Variants in TMEM63B observed in about 807,000 individuals in gnomAD.
TMEM63B encodes the protein mechanosensitive cation channel TMEM63B.
TMEM63B carries 23 observed loss-of-function variants against 102.6 expected under a neutral mutation model. The ratio of observed to expected loss-of-function variants is 0.22; its 90% CI spans 0.16 to 0.32. The LOEUF (loss-of-function observed/expected upper bound fraction) is 0.32, where lower values mean the gene tolerates loss of function less well. Ranked by LOEUF, TMEM63B falls within the 10% of genes least tolerant of loss-of-function variation. The pLI, the probability that TMEM63B is intolerant of heterozygous loss-of-function variation, is 1.00. For synonymous variants in TMEM63B, 444 were observed against 437.0 expected, an observed-to-expected ratio of 1.02 and a Z score of -0.20; for missense variants, 628 against 1,095.9, an observed-to-expected ratio of 0.57 and a Z score of 6.03.
intron 9 of TMEM63B, 106 bp downstream of exon 9, chr6:44,140,466 T>C: frequency 1.1e-6 from 1 of 878,644 alleles, no homozygotes. Flanking sequence ...TAGGTTTGAA[T>C]GCTGGCACAG....
chr6:44,132,366 G>A (rs1016754693), intron 1 of TMEM63B: 6 of 978,478 alleles, frequency 6.1e-6, no homozygotes, highest in Non-Finnish European at 7.3e-6. Context: ...CTTCCAAAAT[G>A]CTCTACCTTT....
chr6:44,148,989 A>G lies in TMEM63B; in HGVS notation c.1413+44A>G, dbSNP rs748798972. 1.2e-6 allele frequency: 2 copies of G among 1,613,446 alleles called. No individual in the cohort carries two copies. Among genetic ancestry groups the G allele is most frequent in the East Asian group, 2.2e-5 (1 of 44,864 alleles). On this transcript the variant is annotated intron_variant, in intron 15 of 23. Transcript: ENST00000323267. This position sits in a 1 kb window ranked among gnomAD's most constrained non-coding sequence, Gnocchi z 5.1. ...GTCACTTTCCACGCTGGGTCACAAC[A>G]CACAGATACCAGGCCCTGATCCCTC...
chr6:44,155,025 T>C lies in TMEM63B; in HGVS notation c.*142T>C. On this transcript the variant is annotated 3_prime_UTR_variant, in exon 24 of 24. Transcript: ENST00000323267. ...CATTAAGGTATTTAAACTTGGGGGTTTCACTGCTCTCCCCCATGATGGAGG... is the reference window on the plus strand; with the variant it reads ...CATTAAGGTATTTAAACTTGGGGGTCTCACTGCTCTCCCCCATGATGGAGG... 1 of 798,766 alleles carries C rather than the reference T, an allele frequency of 1.3e-6. No homozygotes were observed. The highest frequency in any genetic ancestry group is 1.8e-6 in the Non-Finnish European group (1 of 559,728). The allele number at this position is 798,766 out of a possible 1,614,324, so 49.5% of individuals were successfully genotyped here. A position where few individuals can be genotyped will look rare whatever the true frequency, so the allele number is the denominator to read the frequency against.
At chr6:44,153,092 C>T (rs1034709338) in intron 20 of TMEM63B, among the ~76,000 whole-genome samples, 13 of 152,230 alleles carry the variant, frequency 8.5e-5, no homozygotes, top group African/African-American at 3.1e-4. Context: ...ACTTGGATTC[C>T]AGGGTGGGAT....
intron 4 of TMEM63B, among the ~76,000 whole-genome samples, chr6:44,135,960 C>G (rs530229952): frequency 2.6e-5 from 4 of 152,144 alleles, no homozygotes; most frequent in Non-Finnish European, 4.4e-5. Flanking sequence ...TTCTCCTGGT[C>G]CATCCTTTCC....
chr6:44,154,550 G>C, intron 23 of TMEM63B, 105 bp downstream of exon 23: 7 of 1,513,730 alleles, frequency 4.6e-6, no homozygotes, highest in Non-Finnish European at 6.3e-6. Context: ...ACCCCATGGG[G>C]GCGGGAAGAG....
Position 44,147,457 on chromosome 6 carries a change from C to T in TMEM63B, c.944C>T (p.Pro315Leu), listed in dbSNP as rs370992528. The change falls in exon 12 of 24, where the codon CCC (proline) becomes CTC (leucine). Residue 315 changes from proline to leucine, a missense_variant. Pro to Leu is a moderately conservative substitution (Grantham distance 98). Coordinates refer to ENST00000323267, the MANE Select transcript of TMEM63B (RefSeq NM_018426.3). Reference sequence around the variant, plus strand: ...GTGCCTACCATGATCAACCCCAAGCCCTGTGGCCACCTCTGCTGCTGTGTG... The same window carrying T: ...GTGCCTACCATGATCAACCCCAAGCTCTGTGGCCACCTCTGCTGCTGTGTG... Reference protein sequence around the residue: ...ENVPTMINPKPCGHLCCCVVR... With the variant: ...ENVPTMINPKLCGHLCCCVVR... The T allele has an allele frequency of 1.8e-4, 285 of 1,614,024 alleles. No homozygotes were observed. Among genetic ancestry groups the T allele is most frequent in the Non-Finnish European group, 2.2e-4 (264 of 1,180,036 alleles).
chr6:44,148,115 G>A lies in TMEM63B; in HGVS notation c.988-137G>A, dbSNP rs1337916380. Reference sequence around the variant, plus strand: ...TCCAGCCTGGGCATCAGAGCGAGACGCTGTTTCCAAAAAAAAAAAAATGCT... The same window carrying A: ...TCCAGCCTGGGCATCAGAGCGAGACACTGTTTCCAAAAAAAAAAAAATGCT... On this transcript the variant is annotated intron_variant, in intron 12 of 23. Transcript: ENST00000323267. This position sits in a 1 kb window ranked among gnomAD's most constrained non-coding sequence, Gnocchi z 5.1. 1.6e-5 allele frequency: 21 copies of A among 1,310,864 alleles called. No homozygotes were observed. The highest frequency in any genetic ancestry group is 4.4e-5 in the African/African-American group (3 of 67,460). 81.2% of individuals were successfully genotyped at this position (1,310,864 alleles called of 1,614,324 possible). A position where few individuals can be genotyped will look rare whatever the true frequency, so the allele number is the denominator to read the frequency against.
intron 1 of TMEM63B, among the ~76,000 whole-genome samples, chr6:44,131,984 C>G (rs529312542): frequency 6.6e-6 from 1 of 152,202 alleles, no homozygotes; most frequent in South Asian, 2.1e-4. Context: ...TTCTCAGTTG[C>G]TCAGCCCAGT....
intron 23 of TMEM63B, 96 bp downstream of exon 23, chr6:44,154,541 C>T (rs1767612352): frequency 1.3e-6 from 2 of 1,537,084 alleles, no homozygotes; most frequent in African/African-American, 1.4e-5. Flanking sequence ...CTGTGCCAGA[C>T]CCCATGGGGG....
At chr6:44,134,433 G>C in intron 1 of TMEM63B, 128 bp from the exon 2 acceptor site, 1 of 940,670 alleles carries the variant, frequency 1.1e-6, no homozygotes. Context: ...CTTATCTCCA[G>C]AGGCCAGAGC....
rs745829523 is a variant in TMEM63B, at chr6:44,151,846, G to A, written c.1674G>A (p.Glu558=). ...KFLAEAAIRF[E]CVFLPDNGAF... ...GTGCTGGAGCACCTGGTGCCCGCAG[G>A]TGTGTGTTCCTGCCCGACAACGGCG... The change falls in exon 19 of 24, where the codon GAG becomes GAA. Residue 558 remains glutamate, a splice_region_variant and synonymous_variant. Transcript: ENST00000323267. The A allele has an allele frequency of 1.2e-6, 2 of 1,608,078 alleles. No homozygotes were observed. The highest frequency in any genetic ancestry group is 2.2e-5 in the South Asian group (2 of 90,472).
chr6:44,138,893 C>T (rs1763632810), intron 6 of TMEM63B: 1 of 302,106 alleles, frequency 3.3e-6, no homozygotes, highest in Non-Finnish European at 6.4e-6. Context: ...GTCCAGCAGG[C>T]AGGCAGTGAG....
At chr6:44,138,614 G>T (rs955189531) in intron 6 of TMEM63B, 97 bp downstream of exon 6, 11 of 1,447,874 alleles carry the variant, frequency 7.6e-6, no homozygotes, top group Non-Finnish European at 1.1e-5. Flanking sequence ...CAGGGCCTTA[G>T]CACTCCTCGC....
chr6:44,128,669 T>C (rs925597650), intron 1 of TMEM63B, among the ~76,000 whole-genome samples: 7 of 152,212 alleles, frequency 4.6e-5, no homozygotes, highest in Non-Finnish European at 1.0e-4. Flanking sequence ...GCCTACCCAT[T>C]ACCAGTCTGC....
At chr6:44,147,237 C>T (rs1765604061) in intron 11 of TMEM63B, 140 bp from the exon 12 acceptor site, 5 of 1,402,920 alleles carry the variant, frequency 3.6e-6, no homozygotes, top group African/African-American at 1.4e-5. Flanking sequence ...GTGGGGAGAC[C>T]TTGGGATGTG....
intron 5 of TMEM63B, among the ~76,000 whole-genome samples, chr6:44,136,847 CA>C (rs774958536): frequency 6.6e-6 from 1 of 152,208 alleles, no homozygotes; most frequent in African/African-American, 2.4e-5. Context: ...TAGATGAGAC[CA>C]TCCTGGCTAA....
upstream of TMEM63B, chr6:44,127,410 G>A (rs1199028443): frequency 6.6e-6 from 1 of 151,612 alleles, no homozygotes; most frequent in African/African-American, 2.4e-5. Flanking sequence ...CGCCCCACGC[G>A]GCCTCTTCCT....
At chr6:44,133,239 G>T (rs1328640107) in intron 1 of TMEM63B, among the ~76,000 whole-genome samples, 1 of 152,106 alleles carries the variant, frequency 6.6e-6, no homozygotes, top group Non-Finnish European at 1.5e-5. Context: ...GGGACCAAGT[G>T]AAACACATAA....
Sources: allele counts gnomAD v4.1 joint callset (sites outside exome capture counted in the v4.1 genomes callset), GRCh38; gene constraint gnomAD v4.1.1; non-coding constraint Gnocchi (gnomAD v3.1); transcripts MANE v1.5; gene names NCBI Gene and HGNC (gene_info 2026-07-23, HGNC 2026-07-21).